The following NKAIN3 variants were observed in gnomAD, a reference collection of about 807,000 sequenced individuals.
NKAIN3 encodes the protein sodium/potassium transporting ATPase interacting 3, also known as sodium/potassium-transporting ATPase subunit beta-1-interacting protein 3.
Under a neutral mutation model 30.2 loss-of-function variants are expected in NKAIN3, and 25 were observed. The ratio of observed to expected loss-of-function variants is 0.83; its 90% CI spans 0.60 to 1.16. The LOEUF is 1.16. Among genes scored for constraint, NKAIN3 ranks in the 50% most tolerant of loss-of-function variants. NKAIN3 has a pLI of 0.00. For missense variants in NKAIN3, 225 were observed against 254.1 expected (o/e 0.89, Z 0.78); for synonymous variants, 91 against 89.6 (o/e 1.02, Z -0.09).
intron 1 of NKAIN3, among the ~76,000 whole-genome samples, chr8:62,498,163 A>C (rs1807304016): frequency 6.6e-6 from 1 of 152,086 alleles, no homozygotes; most frequent in Non-Finnish European, 1.5e-5. Flanking sequence ...ATGTATCGTA[A>C]AATGAGATCC....
intron 3 of NKAIN3, among the ~76,000 whole-genome samples, chr8:62,621,982 A>G (rs1006736742): frequency 6.6e-6 from 1 of 152,074 alleles, no homozygotes; most frequent in South Asian, 2.1e-4. Flanking sequence ...ACCCCTGGAA[A>G]CCAAAAATGT....
chr8:62,753,846 C>A (rs1395160802), intron 4 of NKAIN3, among the ~76,000 whole-genome samples: 1 of 152,008 alleles, frequency 6.6e-6, no homozygotes, highest in African/African-American at 2.4e-5. Context: ...AACAGCAAAT[C>A]TGGATATGTA....
At position 62,969,650 on chromosome 8, in the gene NKAIN3, T is replaced by A. The variant is rs559030203; in HGVS notation, c.*4243T>A. On this transcript the variant is annotated 3_prime_UTR_variant, in exon 7 of 7. Transcript: ENST00000623646. ...GCCCAAGATACGTTCTTTCCAGGTA[T>A]AGCTGAATTAAGTAGGAAAAATATA... Among the ~76,000 whole-genome samples, 1 of 152,322 alleles carries A rather than the reference T, an allele frequency of 6.6e-6. No homozygotes were observed. Among genetic ancestry groups the A allele is most frequent in the African/African-American group, 2.4e-5 (1 of 41,582 alleles).
intron 4 of NKAIN3, among the ~76,000 whole-genome samples, chr8:62,810,411 G>T (rs1382668710): frequency 1.3e-5 from 2 of 152,072 alleles, no homozygotes; most frequent in Non-Finnish European, 2.9e-5. Flanking sequence ...GGAATGAGAA[G>T]GTCTGGGTTT....
intron 4 of NKAIN3, among the ~76,000 whole-genome samples, chr8:62,815,260 G>T (rs947179649): frequency 1.2e-4 from 18 of 152,128 alleles, no homozygotes; most frequent in Non-Finnish European, 2.1e-4. Flanking sequence ...TCCAGGACCA[G>T]ATGGATTCAC....
chr8:62,840,050 C>T (rs996521292), intron 4 of NKAIN3, among the ~76,000 whole-genome samples: 3 of 152,128 alleles, frequency 2.0e-5, no homozygotes, highest in Non-Finnish European at 4.4e-5. Context: ...TATCCACATA[C>T]ATCCCCTCCA....
intron 4 of NKAIN3, among the ~76,000 whole-genome samples, chr8:62,794,732 A>T (rs1172909458): frequency 6.6e-6 from 1 of 152,142 alleles, no homozygotes; most frequent in African/African-American, 2.4e-5. Context: ...CAGCCCTGTG[A>T]TACTGCGTAT....
chr8:62,866,451 C>T (rs1038973001), intron 4 of NKAIN3, among the ~76,000 whole-genome samples: 4 of 152,044 alleles, frequency 2.6e-5, no homozygotes, highest in African/African-American at 9.7e-5. Context: ...AATGATTTTC[C>T]CTTTGCAAGT....
chr8:62,274,738 C>T (rs1812880027), intron 1 of NKAIN3, among the ~76,000 whole-genome samples: 1 of 151,494 alleles, frequency 6.6e-6, no homozygotes, highest in African/African-American at 2.4e-5. Context: ...AATGCTATCC[C>T]TCCCCCGACC....
At chr8:62,856,187 C>A in intron 4 of NKAIN3, 1 of 770,084 alleles carries the variant, frequency 1.3e-6, no homozygotes. Flanking sequence ...AAGCAAACTT[C>A]CTGTATTTGT....
At chr8:62,959,775 T>G (rs748769406) in intron 6 of NKAIN3, among the ~76,000 whole-genome samples, 1 of 152,198 alleles carries the variant, frequency 6.6e-6, no homozygotes, top group Non-Finnish European at 1.5e-5. Flanking sequence ...GGAGCCCCGT[T>G]CCCTGAGGCT....
intron 4 of NKAIN3, among the ~76,000 whole-genome samples, chr8:62,852,052 C>G (rs1819921342): frequency 6.6e-6 from 1 of 152,156 alleles, no homozygotes; most frequent in Admixed American, 6.5e-5. Context: ...CCTTCTACCT[C>G]TGGTAGAATT....
At chr8:62,362,980 G>A (rs1158338116) in intron 1 of NKAIN3, among the ~76,000 whole-genome samples, 2 of 152,106 alleles carry the variant, frequency 1.3e-5, no homozygotes, top group East Asian at 3.9e-4. Flanking sequence ...TAATGTTACA[G>A]GCGTACACTC....
intron 3 of NKAIN3, among the ~76,000 whole-genome samples, chr8:62,693,955 A>C (rs367804984): frequency 1.3e-5 from 2 of 152,168 alleles, no homozygotes; most frequent in African/African-American, 2.4e-5. Context: ...TTGAATTCAT[A>C]TTTTTATTGA....
intron 1 of NKAIN3, among the ~76,000 whole-genome samples, chr8:62,436,086 C>T (rs1269396743): frequency 6.6e-6 from 1 of 152,114 alleles, no homozygotes; most frequent in Non-Finnish European, 1.5e-5. Context: ...GGCAAATTGC[C>T]GTGTCACAGT....
rs1822178267 is a variant in NKAIN3, at chr8:62,918,581, TA to T, written c.532+69del. 3 of 994,336 alleles carry T rather than the reference TA, an allele frequency of 3.0e-6. No homozygotes were observed. In the Admixed American group the frequency reaches 6.0e-5, roughly 20 times the overall value. The allele number at this position is 994,336 out of a possible 1,614,324, so 61.6% of individuals were successfully genotyped here. A position where few individuals can be genotyped will look rare whatever the true frequency, so the allele number is the denominator to read the frequency against. On this transcript the variant is annotated intron_variant, in intron 5 of 6. Transcript: ENST00000623646. Reference sequence around the variant, plus strand: ...AGATACAGCTTCCAAAACTAATCATTACAGGGCTATGAAATGAAATCTTTTA... The same window carrying T: ...AGATACAGCTTCCAAAACTAATCATTCAGGGCTATGAAATGAAATCTTTTA...
intron 1 of NKAIN3, among the ~76,000 whole-genome samples, chr8:62,291,023 A>T (rs963608604): frequency 2.6e-5 from 4 of 151,922 alleles, no homozygotes; most frequent in Non-Finnish European, 5.9e-5. Context: ...AGTTTATTTG[A>T]ATAGAGGTGT....
At chr8:62,991,402 G>T (rs1824317816) in intron 5 of NKAIN3, among the ~76,000 whole-genome samples, 1 of 152,182 alleles carries the variant, frequency 6.6e-6, no homozygotes, top group African/African-American at 2.4e-5. Flanking sequence ...AAAGGACACT[G>T]CACTCTTCCT....
chr8:62,579,488 G>T (rs996823213), intron 1 of NKAIN3, 51 bp from the exon 2 acceptor site: 8 of 1,462,918 alleles, frequency 5.5e-6, no homozygotes, highest in Non-Finnish European at 7.4e-6. Context: ...GATTAAAATA[G>T]TATGATGATG....
Sources: gnomAD v4.1 joint callset for allele counts (sites outside exome capture counted in the v4.1 genomes callset) on GRCh38, gnomAD v4.1.1 for gene constraint, MANE v1.5 for transcripts, NCBI Gene and HGNC (gene_info 2026-07-23, HGNC 2026-07-21) for gene names.